The following EPHA5 variants were observed in gnomAD, a reference collection of about 807,000 sequenced individuals.
The protein encoded by EPHA5 is ephrin type-A receptor 5.
A neutral mutation model predicts 105.0 loss-of-function variants in EPHA5; 60 were observed. The observed-to-expected ratio is 0.57, with a 90% CI of 0.46 to 0.71. EPHA5 has a LOEUF of 0.71. Ranked by LOEUF, EPHA5 falls within the 30% of genes least tolerant of loss-of-function variation. The probability of loss-of-function intolerance (pLI) is 0.00; values close to 1 mark genes in which losing one functional copy is unlikely to be tolerated. For synonymous variants in EPHA5, 513 were observed against 449.1 expected (o/e 1.14, Z -1.80); for missense variants, 1,218 against 1,274.7 (o/e 0.96, Z 0.68).
At chr4:65,381,324 T>C (rs1051508584) in intron 8 of EPHA5, among the ~76,000 whole-genome samples, 2 of 151,664 alleles carry the variant, frequency 1.3e-5, no homozygotes, top group African/African-American at 4.8e-5. Flanking sequence ...AAAATCGGTG[T>C]GAAGAAAAGT....
chr4:65,350,870 C>T (rs13150002), intron 13 of EPHA5, among the ~76,000 whole-genome samples: 49,746 of 151,716 alleles, frequency 0.33, 8,878 homozygotes, highest in East Asian at 0.46. Context: ...AGGAATAGCT[C>T]TTTTTTCCCT....
chr4:65,620,728 T>A (rs1207134514), intron 2 of EPHA5, among the ~76,000 whole-genome samples: 1 of 152,210 alleles, frequency 6.6e-6, no homozygotes, highest in Non-Finnish European at 1.5e-5. Flanking sequence ...GTTGAAGTTT[T>A]GTTTGGCTAA....
chr4:65,326,269 G>T (rs1044641779), intron 16 of EPHA5, among the ~76,000 whole-genome samples: 4 of 150,732 alleles, frequency 2.7e-5, no homozygotes, highest in Non-Finnish European at 5.9e-5. Flanking sequence ...CAGCCAAATG[G>T]GTAACCAAGT....
chr4:65,371,215 A>T (rs1341690549), intron 8 of EPHA5, among the ~76,000 whole-genome samples: 7 of 152,136 alleles, frequency 4.6e-5, no homozygotes, highest in Non-Finnish European at 1.0e-4. Flanking sequence ...CACATCCTCT[A>T]ATCATTTATA....
chr4:65,422,982 A>C (rs1724079162), intron 5 of EPHA5, among the ~76,000 whole-genome samples: 1 of 152,044 alleles, frequency 6.6e-6, no homozygotes, highest in Non-Finnish European at 1.5e-5. Flanking sequence ...CTTAGTCTTT[A>C]ATTAATGTCC....
intron 1 of EPHA5, among the ~76,000 whole-genome samples, chr4:65,652,404 A>T (rs1351443567): frequency 7.2e-5 from 11 of 152,272 alleles, no homozygotes; most frequent in Admixed American, 6.5e-4. Context: ...TCTGTACTTA[A>T]TATACATTAT....
chr4:65,492,916 A>G (rs551482049), intron 4 of EPHA5, among the ~76,000 whole-genome samples: 5 of 152,284 alleles, frequency 3.3e-5, no homozygotes, highest in Non-Finnish European at 1.5e-5. Context: ...GAAATTTAAG[A>G]TAAAAAATTA....
chr4:65,515,270 A>G (rs1447909149), intron 3 of EPHA5, among the ~76,000 whole-genome samples: 1 of 152,240 alleles, frequency 6.6e-6, no homozygotes, highest in African/African-American at 2.4e-5. Flanking sequence ...GTAGAAATCC[A>G]CCTACATTGT....
intron 13 of EPHA5, among the ~76,000 whole-genome samples, chr4:65,349,018 G>A (rs1211298702): frequency 6.6e-6 from 1 of 151,150 alleles, no homozygotes; most frequent in African/African-American, 2.4e-5. Context: ...GGTTTGCCAT[G>A]TTGGCTAGGC....
intron 3 of EPHA5, among the ~76,000 whole-genome samples, chr4:65,503,296 A>G (rs946513931): frequency 6.6e-6 from 1 of 151,844 alleles, no homozygotes; most frequent in Non-Finnish European, 1.5e-5. Context: ...TATTTTTTAA[A>G]AATGTCTTCT....
At chr4:65,466,287 T>C (rs1032220339) in intron 5 of EPHA5, among the ~76,000 whole-genome samples, 5 of 152,178 alleles carry the variant, frequency 3.3e-5, no homozygotes, top group Admixed American at 1.3e-4. Flanking sequence ...AAAACAAGCA[T>C]AGAAGTCCTG....
At chr4:65,511,342 C>A (rs887983516) in intron 3 of EPHA5, among the ~76,000 whole-genome samples, 1 of 152,098 alleles carries the variant, frequency 6.6e-6, no homozygotes, top group Non-Finnish European at 1.5e-5. Context: ...AGAACACTTT[C>A]TAGGCGTGGA....
chr4:65,528,892 A>C (rs1488688969), intron 3 of EPHA5, among the ~76,000 whole-genome samples: 3 of 152,146 alleles, frequency 2.0e-5, no homozygotes, highest in African/African-American at 7.2e-5. Flanking sequence ...GAAGGACTCT[A>C]CTTCAAATTA....
intron 3 of EPHA5, among the ~76,000 whole-genome samples, chr4:65,520,136 G>A (rs1473905469): frequency 3.9e-5 from 6 of 152,036 alleles, no homozygotes; most frequent in Non-Finnish European, 8.8e-5. Flanking sequence ...TATACTACAA[G>A]GCTACAGTAA....
At chr4:65,562,047 T>C (rs907058497) in intron 3 of EPHA5, among the ~76,000 whole-genome samples, 1 of 152,064 alleles carries the variant, frequency 6.6e-6, no homozygotes, top group African/African-American at 2.4e-5. Context: ...TACCTTCAAC[T>C]GAATATCACA....
At chr4:65,331,152 G>A (rs747442943) in intron 16 of EPHA5, 76 of 1,028,776 alleles carry the variant, frequency 7.4e-5, no homozygotes, top group Non-Finnish European at 8.8e-5. Flanking sequence ...GAATTGGCAG[G>A]TAATTTGAAG....
intron 8 of EPHA5, among the ~76,000 whole-genome samples, chr4:65,381,508 T>C (rs1165418850): frequency 1.3e-5 from 2 of 151,826 alleles, no homozygotes; most frequent in Non-Finnish European, 2.9e-5. Context: ...TGCAATATAT[T>C]TCATTAAAGG....
At chr4:65,375,955 T>G (rs925850258) in intron 8 of EPHA5, among the ~76,000 whole-genome samples, 1 of 151,960 alleles carries the variant, frequency 6.6e-6, no homozygotes, top group African/African-American at 2.4e-5. Flanking sequence ...TTTAAAACTT[T>G]CTCCAAATTC....
intron 16 of EPHA5, among the ~76,000 whole-genome samples, chr4:65,330,157 A>G (rs893709503): frequency 1.3e-5 from 2 of 151,540 alleles, no homozygotes; most frequent in South Asian, 2.1e-4. Context: ...AAGTCTCCCA[A>G]TGTAACTTTA....
Sources: gnomAD v4.1 joint callset for allele counts (sites outside exome capture counted in the v4.1 genomes callset) on GRCh38, gnomAD v4.1.1 for gene constraint, MANE v1.5 for transcripts, NCBI Gene and HGNC (gene_info 2026-07-23, HGNC 2026-07-21) for gene names.